MDN1: variants seen among roughly 807,000 people sequenced by gnomAD.
MDN1 encodes the protein midasin AAA ATPase 1.
MDN1 carries 266 observed loss-of-function variants against 669.2 expected under a neutral mutation model. The ratio of observed to expected loss-of-function variants is 0.40; its 90% CI spans 0.36 to 0.44. The LOEUF (loss-of-function observed/expected upper bound fraction) is 0.44. Among genes scored for constraint, MDN1 ranks in the 20% least tolerant of loss-of-function variants. The pLI is 1.00. For synonymous variants in MDN1, 2,385 were observed against 2,457.1 expected (o/e 0.97, Z 0.87); for missense variants, 5,940 against 6,754.0 (o/e 0.88, Z 4.22).
intron 2 of MDN1, among the ~76,000 whole-genome samples, chr6:89,799,928 T>C (rs916494271): frequency 2.6e-5 from 4 of 152,070 alleles, no homozygotes; most frequent in African/African-American, 9.7e-5. Context: ...CCTGAGTTTA[T>C]GTTAATGAGG....
chr6:89,764,279 G>T (rs1490473378), intron 15 of MDN1, among the ~76,000 whole-genome samples: 1 of 152,072 alleles, frequency 6.6e-6, no homozygotes, highest in Non-Finnish European at 1.5e-5. Context: ...AGACCCACAA[G>T]ATCTTACTCC....
At chr6:89,807,546 G>T (rs1442257895) in intron 1 of MDN1, among the ~76,000 whole-genome samples, 1 of 152,156 alleles carries the variant, frequency 6.6e-6, no homozygotes, top group Non-Finnish European at 1.5e-5. Context: ...ACTTGATCAT[G>T]ATGTGGCTTG....
chr6:89,775,862 T>A (rs1818330062), intron 12 of MDN1, among the ~76,000 whole-genome samples: 1 of 151,960 alleles, frequency 6.6e-6, no homozygotes. Context: ...ATTTATTGTA[T>A]TTTTTTAGTA....
At chr6:89,819,441 G>A (rs1191921920) in intron 1 of MDN1, 65 bp downstream of exon 1, 9 of 1,408,664 alleles carry the variant, frequency 6.4e-6, no homozygotes, top group East Asian at 2.3e-5. Flanking sequence ...GCGGGGGAGC[G>A]CAGGAAGCTT....
chr6:89,649,951 C>A, intron 97 of MDN1, 73 bp downstream of exon 97: 1 of 1,484,612 alleles, frequency 6.7e-7, no homozygotes, highest in East Asian at 2.3e-5. Context: ...ATATTTAAAG[C>A]ATTTTGGTGG....
chr6:89,804,329 T>C (rs1431522383), intron 1 of MDN1, among the ~76,000 whole-genome samples: 2 of 152,162 alleles, frequency 1.3e-5, no homozygotes, highest in African/African-American at 4.8e-5. Flanking sequence ...TTATAAAATA[T>C]CGTGGAAATT....
At position 89,696,509 on chromosome 6, in the gene MDN1, C is replaced by T; in HGVS notation, c.9234G>A (p.Trp3078Ter). The T allele has an allele frequency of 6.2e-7, 1 of 1,614,182 alleles. No individual in the cohort carries two copies. The highest frequency in any genetic ancestry group is 8.5e-7 in the Non-Finnish European group (1 of 1,180,022). ...CACTCACATCCCAGGGACTTGCTCT[C>T]CAGCTGCTGGTTAAGACTTCAAAGC... is the stretch of plus-strand genomic sequence containing the variant. ...KCCFEVLTSS[W>*]RASPWDVSGL... The change falls in exon 60 of 102, where the codon TGG (tryptophan) becomes TGA (stop). Residue 3078 changes from tryptophan to a stop codon, truncating the protein, a stop_gained. Transcript: ENST00000369393. LOFTEE classifies it high-confidence loss of function.
At chr6:89,683,384 A>G in intron 72 of MDN1, 54 bp from the exon 73 acceptor site, 1 of 1,467,580 alleles carries the variant, frequency 6.8e-7, no homozygotes, top group Non-Finnish European at 9.4e-7. Flanking sequence ...TAGCAAGTGA[A>G]GACATATAAA....
intron 57 of MDN1, 55 bp downstream of exon 57, chr6:89,700,008 A>C: frequency 6.7e-7 from 1 of 1,495,508 alleles, no homozygotes. Flanking sequence ...TAGGATACAC[A>C]GAATAATCAA....
intron 8 of MDN1, among the ~76,000 whole-genome samples, chr6:89,786,214 T>C (rs549610721): frequency 6.6e-6 from 1 of 152,036 alleles, no homozygotes; most frequent in South Asian, 2.1e-4. Flanking sequence ...AGCCAAATCA[T>C]GCCACTGCAC....
intron 63 of MDN1, among the ~76,000 whole-genome samples, chr6:89,691,229 A>G (rs916619433): frequency 3.8e-4 from 58 of 152,232 alleles, no homozygotes; most frequent in African/African-American, 1.3e-3. Flanking sequence ...TTCAGAAAAG[A>G]AACACTTAGA....
Position 89,818,502 on chromosome 6 carries a change from C to G in MDN1, c.102+1004G>C, listed in dbSNP as rs1218993941. Among the ~76,000 whole-genome samples the G allele has an allele frequency of 2.6e-5, 4 of 151,414 alleles. No homozygotes were observed. The Middle Eastern group carries it at 0.01, about 389-fold the overall frequency. On this transcript the variant is annotated intron_variant, in intron 1 of 101. Coordinates refer to ENST00000369393, the MANE Select transcript of MDN1 (RefSeq NM_014611.3). The stretch of plus-strand genomic sequence containing the variant: ...AAAATTTTTTTTTTAATTAGCCACA[C>G]CTGGGACCCAAGTACCTGGGACCAC...
intron 90 of MDN1, among the ~76,000 whole-genome samples, chr6:89,657,109 T>C (rs557101749): frequency 6.6e-6 from 1 of 152,332 alleles, no homozygotes; most frequent in East Asian, 1.9e-4. Context: ...CCAGGCTTCA[T>C]CATCAACCAG....
At chr6:89,680,855 C>G in intron 73 of MDN1, 104 bp from the exon 74 acceptor site, 1 of 1,245,412 alleles carries the variant, frequency 8.0e-7, no homozygotes, top group Non-Finnish European at 1.1e-6. Context: ...ATCCCTAGTT[C>G]AGCAAATAGA....
chr6:89,747,940 T>C (rs1816747988), intron 26 of MDN1, among the ~76,000 whole-genome samples: 1 of 149,266 alleles, frequency 6.7e-6, no homozygotes, highest in African/African-American at 2.5e-5. Context: ...AAATAACTTG[T>C]AATATTCTGA....
intron 74 of MDN1, 112 bp downstream of exon 74, chr6:89,680,475 CTG>C (rs1811533153): frequency 1.1e-5 from 14 of 1,260,374 alleles, no homozygotes; most frequent in Non-Finnish European, 1.4e-5. Context: ...ATTCAATCAA[CTG>C]TTCAACACTA....
At position 89,793,933 on chromosome 6, in the gene MDN1, C is replaced by A; in HGVS notation, c.684G>T (p.Leu228Phe). ...FRLRLLEEAQ[L>F]QDLEKALVLA... is the part of the protein sequence containing the mutation. ...AAACCAAGGCCTTCTCCAAGTCCTGCAACTGGGCCTCTTCTAATAACCTGA... is the reference window on the plus strand; with the variant it reads ...AAACCAAGGCCTTCTCCAAGTCCTGAAACTGGGCCTCTTCTAATAACCTGA... Residue 228 changes from leucine to phenylalanine, a missense_variant, in exon 5 of 102, where the codon TTG (leucine) becomes TTT (phenylalanine). Coordinates refer to ENST00000369393, the MANE Select transcript of MDN1 (RefSeq NM_014611.3). The A allele has an allele frequency of 6.2e-7, 1 of 1,613,148 alleles. No individual in the cohort carries two copies. Among genetic ancestry groups the A allele is most frequent in the Non-Finnish European group, 8.5e-7 (1 of 1,179,326 alleles).
chr6:89,802,016 G>A (rs1767700594), intron 2 of MDN1, among the ~76,000 whole-genome samples: 1 of 152,060 alleles, frequency 6.6e-6, no homozygotes, highest in African/African-American at 2.4e-5. Flanking sequence ...CTAACTTTCT[G>A]AAACTGTCTC....
chr6:89,729,138 T>C lies in MDN1; in HGVS notation c.5142A>G (p.Gly1714=), dbSNP rs1431699727. ...WGIHPFFIPR[G]PVLHRNNIAD... is the part of the protein sequence containing the mutation. ...CAATATTATTCCTGTGTAGGACAGG[T>C]CCTTAAGTGGAGAAAAGTAAAGTCA... is the stretch of plus-strand genomic sequence containing the variant. The change falls in exon 36 of 102, where the codon GGA becomes GGG. Residue 1714 remains glycine (G), a splice_region_variant and synonymous_variant. Transcript: ENST00000369393. The C allele has an allele frequency of 1.2e-6, 2 of 1,610,616 alleles. No homozygotes were observed. The highest frequency in any genetic ancestry group is 2.2e-5 in the South Asian group (2 of 90,788).
Sources: gnomAD v4.1 joint callset for allele counts (sites outside exome capture counted in the v4.1 genomes callset) on GRCh38, gnomAD v4.1.1 for gene constraint, MANE v1.5 for transcripts, NCBI Gene and HGNC (gene_info 2026-07-23, HGNC 2026-07-21) for gene names.